The following CASK variants were observed in gnomAD, a reference collection of about 807,000 sequenced individuals.
CASK encodes calcium/calmodulin dependent serine protein kinase.
CASK carries 4 observed loss-of-function variants against 82.9 expected under a neutral mutation model. The ratio of observed to expected loss-of-function variants is 0.05; its 90% CI spans 0.02 to 0.11. The LOEUF is 0.11. Among genes scored for constraint, CASK ranks in the 10% least tolerant of loss-of-function variants. CASK has a pLI of 1.00. For missense variants in CASK, 358 were observed against 720.9 expected (o/e 0.50, Z 5.76); for synonymous variants, 259 against 253.5 (o/e 1.02, Z -0.20).
chrX:41,690,310 C>A (rs770569696), intron 5 of CASK, among the ~76,000 whole-genome samples: 14 of 105,045 alleles, frequency 1.3e-4, no homozygotes, highest in African/African-American at 4.9e-4. Context: ...AAACAGTCAC[C>A]AAGTTTAAAA....
At chrX:41,848,226 T>G (rs62589207) in intron 2 of CASK, among the ~76,000 whole-genome samples, 19,003 of 110,968 alleles carry the variant, frequency 0.17, 1,466 homozygotes, top group Middle Eastern at 0.3. Flanking sequence ...CAATTAAAGA[T>G]GGTATTGCAA....
intron 3 of CASK, among the ~76,000 whole-genome samples, chrX:41,769,696 C>T (rs774883981): frequency 9.0e-6 from 1 of 111,313 alleles, no homozygotes; most frequent in Non-Finnish European, 1.9e-5. Context: ...TGCCTGTAAT[C>T]TCAGCACTCT....
chrX:41,609,881 G>T (rs755290190), intron 12 of CASK, 23 bp downstream of exon 12: 73 of 1,204,845 alleles, frequency 6.1e-5, no homozygotes, highest in African/African-American at 3.3e-4. Context: ...CAAAAAAGAA[G>T]AATAATAAAA....
chrX:41,897,790 G>A (rs1387016963), intron 1 of CASK, among the ~76,000 whole-genome samples: 2 of 111,586 alleles, frequency 1.8e-5, no homozygotes, highest in South Asian at 3.7e-4. Flanking sequence ...ACCAACCATA[G>A]AGAAAAGAGT....
rs192523876 is a variant in CASK at position 41,722,708 on chromosome X, C to T, written c.429+16676G>A. 3.0e-3 allele frequency among the ~76,000 whole-genome samples: 334 copies of T among 111,954 alleles called. 1 individual carries two copies. The highest frequency in any genetic ancestry group is 3.1e-3 in the Non-Finnish European group (165 of 53,204). On this transcript the variant is annotated intron_variant, in intron 5 of 26. Transcript: ENST00000378163. ...AAAGAAAGAGGAATTAAGGATGATT[C>T]GTAAGTTTTTGGCTTGAATAACTGA...
chrX:41,527,998 G>A (rs1467614707), intron 25 of CASK, among the ~76,000 whole-genome samples: 1 of 112,519 alleles, frequency 8.9e-6, no homozygotes, highest in Non-Finnish European at 1.9e-5. Context: ...CTATGGATAA[G>A]GTGAACCATC....
intron 1 of CASK, among the ~76,000 whole-genome samples, chrX:41,901,923 G>T (rs2072389770): frequency 9.0e-6 from 1 of 111,705 alleles, no homozygotes; most frequent in Non-Finnish European, 1.9e-5. Flanking sequence ...AAGGACGCAG[G>T]CTTGGTGCCT....
intron 5 of CASK, among the ~76,000 whole-genome samples, chrX:41,681,490 A>C (rs754489814): frequency 8.9e-6 from 1 of 111,941 alleles, no homozygotes; most frequent in African/African-American, 3.2e-5. Flanking sequence ...GCGAGTATTC[A>C]CCTAATATGT....
intron 1 of CASK, among the ~76,000 whole-genome samples, chrX:41,915,273 T>C (rs1036826941): frequency 4.5e-5 from 5 of 111,899 alleles, no homozygotes; most frequent in Non-Finnish European, 9.4e-5. Flanking sequence ...AAAATTACAA[T>C]TGGCTTGCAC....
At chrX:41,810,747 G>A (rs999385615) in intron 2 of CASK, among the ~76,000 whole-genome samples, 5 of 111,909 alleles carry the variant, frequency 4.5e-5, no homozygotes, top group African/African-American at 1.6e-4. Flanking sequence ...AACCTTAAAT[G>A]TAAATGGGCT....
chrX:41,704,030 C>A (rs1030199197), intron 5 of CASK, among the ~76,000 whole-genome samples: 13 of 110,934 alleles, frequency 1.2e-4, no homozygotes, highest in East Asian at 2.8e-4. Flanking sequence ...ATCTATACCC[C>A]TCCCCCTCCC....
At chrX:41,641,248 A>G (rs2066647977) in intron 8 of CASK, among the ~76,000 whole-genome samples, 1 of 111,473 alleles carries the variant, frequency 9.0e-6, no homozygotes, top group South Asian at 3.7e-4. Flanking sequence ...ATAATAATGT[A>G]ATATGAATTC....
chrX:41,613,190 G>T (rs1224236404), intron 11 of CASK, among the ~76,000 whole-genome samples: 2 of 111,479 alleles, frequency 1.8e-5, no homozygotes, highest in Non-Finnish European at 3.8e-5. Flanking sequence ...GGAATGGAAA[G>T]GGGGGAAAGG....
chrX:41,912,857 A>C (rs914553013), intron 1 of CASK, among the ~76,000 whole-genome samples: 5 of 105,844 alleles, frequency 4.7e-5, no homozygotes, highest in Non-Finnish European at 9.6e-5. Flanking sequence ...TAATTTATGA[A>C]AGTTATACTT....
chrX:41,815,482 G>A (rs2070393482), intron 2 of CASK, among the ~76,000 whole-genome samples: 1 of 110,803 alleles, frequency 9.0e-6, no homozygotes, highest in African/African-American at 3.3e-5. Context: ...AATGAGAAAA[G>A]AAATACAAAA....
intron 8 of CASK, among the ~76,000 whole-genome samples, chrX:41,659,131 T>TA (rs1177713612): frequency 9.0e-6 from 1 of 111,074 alleles, no homozygotes; most frequent in African/African-American, 3.3e-5. Flanking sequence ...TGTGGTCAAA[T>TA]AAAAAGGGAT....
At chrX:41,841,288 C>T (rs1348666674) in intron 2 of CASK, among the ~76,000 whole-genome samples, 2 of 111,051 alleles carry the variant, frequency 1.8e-5, no homozygotes, top group Non-Finnish European at 3.8e-5. Context: ...TTTCCATTTT[C>T]CTAAAAGCCA....
At chrX:41,760,490 C>T (rs1240127993) in intron 3 of CASK, among the ~76,000 whole-genome samples, 6 of 111,535 alleles carry the variant, frequency 5.4e-5, no homozygotes, top group African/African-American at 1.6e-4. Flanking sequence ...CGGGGGTTAT[C>T]GAGAGAACAG....
intron 16 of CASK, 87 bp from the exon 17 acceptor site, chrX:41,561,731 A>G: frequency 1.4e-6 from 1 of 711,962 alleles, no homozygotes; most frequent in Non-Finnish European, 2.1e-6. Context: ...ATTTTTAAAA[A>G]CTAAGTTGAA....
Sources: allele counts gnomAD v4.1 joint callset (sites outside exome capture counted in the v4.1 genomes callset), GRCh38; gene constraint gnomAD v4.1.1; transcripts MANE v1.5; gene names NCBI Gene and HGNC (gene_info 2026-07-23, HGNC 2026-07-21).